Variants in E2F7 observed in about 807,000 individuals in gnomAD.
E2F7 encodes the protein transcription factor E2F7.
A neutral mutation model predicts 81.1 loss-of-function variants in E2F7; 35 were observed. The ratio of observed to expected loss-of-function variants is 0.43; its 90% confidence interval spans 0.33 to 0.57. The LOEUF is 0.57. Ranked by LOEUF, E2F7 falls within the 20% of genes least tolerant of loss-of-function variation. E2F7 has a pLI of 0.04. For missense variants in E2F7, 961 were observed against 1,093.7 expected (o/e 0.88, Z 1.71); for synonymous variants, 416 against 416.2 (o/e 1.00, Z 0.01).
chr12:77,025,970 A>C lies in E2F7; in HGVS notation c.2153T>G (p.Phe718Cys). The part of the protein sequence containing the change: ...CVQSPAGLNG[F>C]NVLLSGSQTP... ...TTGACTGCCAGATAAAAGTACATTG[A>C]AACCATTTAATCCTGAAAGAAAAGC... Residue 718 changes from phenylalanine to cysteine, a missense_variant, in exon 12 of 13, where the codon TTC (phenylalanine) becomes TGC (cysteine). Transcript: ENST00000322886. 1 of 1,609,388 alleles carries C rather than the reference A, an allele frequency of 6.2e-7. No homozygotes were observed.
intron 3 of E2F7, among the ~76,000 whole-genome samples, chr12:77,051,052 G>T (rs544243801): frequency 1.3e-5 from 2 of 152,270 alleles, no homozygotes; most frequent in Admixed American, 1.3e-4. Flanking sequence ...TGTGGAATCA[G>T]CATCACCAAG....
intron 11 of E2F7, among the ~76,000 whole-genome samples, chr12:77,026,409 C>T (rs531933559): frequency 2.7e-4 from 41 of 152,206 alleles, no homozygotes; most frequent in Non-Finnish European, 5.0e-4. Flanking sequence ...CTCAAGCAGT[C>T]GTCCCATTTC....
At chr12:77,045,401 G>C (rs1954931644) in intron 5 of E2F7, among the ~76,000 whole-genome samples, 1 of 152,166 alleles carries the variant, frequency 6.6e-6, no homozygotes, top group South Asian at 2.1e-4. Flanking sequence ...CTGGCTCATG[G>C]GGTGGAACTA....
intron 6 of E2F7, 59 bp from the exon 7 acceptor site, chr12:77,043,258 T>G: frequency 6.2e-7 from 1 of 1,603,822 alleles, no homozygotes. Context: ...ACAGTTTAGT[T>G]TATGTGACAG....
intron 5 of E2F7, 110 bp downstream of exon 5, chr12:77,045,928 C>T: frequency 7.4e-7 from 1 of 1,350,268 alleles, no homozygotes; most frequent in Non-Finnish European, 1.0e-6. Context: ...AAGAGAACAT[C>T]TCCCTCCAGG....
intron 3 of E2F7, among the ~76,000 whole-genome samples, 191 bp from the exon 4 acceptor site, chr12:77,050,935 C>G (rs1228100829): frequency 7.9e-5 from 12 of 151,848 alleles, no homozygotes; most frequent in Admixed American, 7.9e-4. Flanking sequence ...TGATTTTTTT[C>G]TCCTTTATAA....
At chr12:77,038,537 G>C (rs1486801064) in intron 7 of E2F7, among the ~76,000 whole-genome samples, 1 of 152,018 alleles carries the variant, frequency 6.6e-6, no homozygotes, top group Non-Finnish European at 1.5e-5. Flanking sequence ...GACATCAAAA[G>C]GGAAAATACA....
chr12:77,022,313 T>C lies in E2F7; in HGVS notation c.*1702A>G, dbSNP rs535196037. 5 of 152,454 alleles carry C rather than the reference T, an allele frequency of 3.3e-5. No individual in the cohort carries two copies. In the South Asian group the frequency reaches 6.2e-4, roughly 19 times the overall value. 9.4% of individuals were successfully genotyped at this position (152,454 alleles called of 1,614,324 possible). A position where few individuals can be genotyped will look rare whatever the true frequency, so the allele number is the denominator to read the frequency against. ...GTTAGAACCACATTTTTAACCTAAC[T>C]CTATAGAAGACTGTAAAAAAGAAAA... On this transcript the variant is annotated 3_prime_UTR_variant, in exon 13 of 13. Coordinates refer to ENST00000322886, the MANE Select transcript of E2F7 (RefSeq NM_203394.3).
rs985596904 is a variant in E2F7 at position 77,043,126 on chromosome 12, T to C, written c.1062A>G (p.Thr354=). ...SLALIKKVHV[T]EERGRKPAFK... ...AGGCTGGTTTACGACCTCGCTCTTC[T>C]GTTACATGCACTTTCTTTATCAGAG... Residue 354 remains threonine (T), a synonymous_variant, in exon 7 of 13, where the codon ACA becomes ACG. Transcript: ENST00000322886. 11 of 1,614,084 alleles carry C rather than the reference T, an allele frequency of 6.8e-6. No homozygotes were observed. In the African/African-American group the frequency reaches 1.3e-4, roughly 20 times the overall value.
intron 3 of E2F7, among the ~76,000 whole-genome samples, chr12:77,051,125 T>C (rs1034550129): frequency 2.6e-5 from 4 of 152,192 alleles, no homozygotes; most frequent in Non-Finnish European, 4.4e-5. Context: ...CATAAGATTC[T>C]AGGTGATTTC....
In E2F7 at chr12:77,030,184, C is replaced by T. The variant is rs2120633280; in HGVS notation, c.1531G>A (p.Ala511Thr). Residue 511 changes from alanine to threonine, a missense_variant, in exon 10 of 13, where the codon GCA (alanine) becomes ACA (threonine). Ala to Thr is a moderately conservative substitution (Grantham distance 58). This residue lies in a region of E2F7 where 587 missense variants were observed against 620.3 expected (regional missense o/e 0.95). Transcript: ENST00000322886. The stretch of plus-strand genomic sequence containing the variant: ...TTCAGACCGTTCTGCATGGAGAATG[C>T]CTGCAGGTCCGTCTGAGCAACAGAA... ...VFSVAQTDLQ[A>T]FSMQNGLNGQ... The T allele has an allele frequency of 6.2e-7, 1 of 1,614,144 alleles. No homozygotes were observed.
rs1158314743 is a variant in E2F7, at chr12:77,044,485, C to T, written c.988+152G>A. The T allele has an allele frequency of 6.5e-6, 6 of 927,492 alleles. No individual in the cohort carries two copies. In the Admixed American group the frequency reaches 1.6e-4, roughly 25 times the overall value. The allele number at this position is 927,492 out of a possible 1,614,324, so 57.5% of individuals were successfully genotyped here. ...GAATTCTAGTAGGTGACTAACTTAC[C>T]TCTCACAGCACCAAAAACCTTGATG... is the stretch of plus-strand genomic sequence containing the variant. On this transcript the variant is annotated intron_variant, in intron 6 of 12. Transcript: ENST00000322886.
chr12:77,046,149 G>A lies in E2F7; in HGVS notation c.718C>T (p.Gln240Ter), dbSNP rs765977343. ...KYEEQMAYLQ[Q>*]KELDLIDYKF... is the part of the protein sequence containing the mutation. ...TAATCTATCAGGTCCAGCTCTTTCT[G>A]TTGGAGGTAGGCCATTTGCTCTTCA... The change falls in exon 5 of 13, where the codon CAG becomes TAG. Residue 240 changes from glutamine (Q) to a stop codon, truncating the protein, a stop_gained. Coordinates refer to ENST00000322886, the MANE Select transcript of E2F7 (RefSeq NM_203394.3). LOFTEE classifies it high-confidence loss of function. 2 of 1,614,060 alleles carry A rather than the reference G, an allele frequency of 1.2e-6. No individual in the cohort carries two copies. The highest frequency in any genetic ancestry group is 2.7e-5 in the African/African-American group (2 of 74,924).
At chr12:77,038,469 A>G (rs1416986519) in intron 7 of E2F7, among the ~76,000 whole-genome samples, 1 of 152,200 alleles carries the variant, frequency 6.6e-6, no homozygotes, top group Non-Finnish European at 1.5e-5. Context: ...TATGTGGAAA[A>G]TCCCAGAATA....
rs548665565 is a variant in E2F7, at chr12:77,055,457, C to T, written c.369+398G>A. Among the ~76,000 whole-genome samples the T allele has an allele frequency of 1.1e-4, 16 of 151,630 alleles. No individual in the cohort carries two copies. In the East Asian group the frequency reaches 3.1e-3, roughly 29 times the overall value. Reference sequence around the variant, plus strand: ...AAGATGGCTTAACTTCAATAAAGCCCCAAACTAACCAACTGAACATATATA... The same window carrying T: ...AAGATGGCTTAACTTCAATAAAGCCTCAAACTAACCAACTGAACATATATA... On this transcript the variant is annotated intron_variant, in intron 3 of 12. Transcript: ENST00000322886.
At chr12:77,055,362 T>C (rs1022661838) in intron 3 of E2F7, among the ~76,000 whole-genome samples, 1 of 151,964 alleles carries the variant, frequency 6.6e-6, no homozygotes, top group East Asian at 1.9e-4. Flanking sequence ...TACCTTTTTT[T>C]TTTTTTTTAA....
In E2F7 at chr12:77,056,064, A is replaced by T. The variant is rs757642250; in HGVS notation, c.160T>A (p.Leu54Ile). ...KTPIKNEPID[L>I]SKQKKFTPER... Reference sequence around the variant, plus strand: ...GGAGTAAATTTTTTTTGCTTCGATAAATCAATTGGTTCATTTTTTATTGGA... The same window carrying T: ...GGAGTAAATTTTTTTTGCTTCGATATATCAATTGGTTCATTTTTTATTGGA... The change falls in exon 3 of 13, where the codon TTA (leucine) becomes ATA (isoleucine). Residue 54 changes from leucine to isoleucine, a missense_variant. Coordinates refer to ENST00000322886, the MANE Select transcript of E2F7 (RefSeq NM_203394.3). 1.9e-6 allele frequency: 3 copies of T among 1,613,980 alleles called. No homozygotes were observed. The highest frequency in any genetic ancestry group is 1.7e-5 in the Admixed American group (1 of 59,984).
At chr12:77,029,629 G>A (rs1197024398) in intron 10 of E2F7, among the ~76,000 whole-genome samples, 4 of 152,266 alleles carry the variant, frequency 2.6e-5, no homozygotes, top group African/African-American at 7.2e-5. Flanking sequence ...TAGAAAGTGT[G>A]AGTTTTATAA....
At chr12:77,059,102 C>T (rs567455923) in intron 2 of E2F7, among the ~76,000 whole-genome samples, 39 of 152,220 alleles carry the variant, frequency 2.6e-4, no homozygotes, top group African/African-American at 9.4e-4. Context: ...AGCGAGGGAG[C>T]AACTGAGAAT....
Sources: allele counts gnomAD v4.1 joint callset (sites outside exome capture counted in the v4.1 genomes callset), GRCh38; gene constraint gnomAD v4.1.1; regional missense constraint gnomAD v4.1.1; transcripts MANE v1.5; gene names NCBI Gene and HGNC (gene_info 2026-07-23, HGNC 2026-07-21).